INTS15: variants seen among roughly 807,000 people sequenced by gnomAD.
INTS15 encodes the protein uncharacterized protein C7orf26.
At chr7:6,590,237 G>A in the INTS15 span, 2 of 1,431,858 alleles carry the variant, frequency 1.4e-6, no homozygotes, top group Non-Finnish European at 1.8e-6. Flanking sequence ...CCCGGGCCCC[G>A]GGCGGAAGTG....
At chr7:6,599,982 G>A in the INTS15 span, 38 of 1,614,162 alleles carry the variant, frequency 2.4e-5, no homozygotes, top group African/African-American at 3.3e-4. Context: ...GGATTGATCC[G>A]CTGGTGCGTG....
the INTS15 span, chr7:6,599,899 T>A: frequency 6.2e-7 from 1 of 1,614,064 alleles, no homozygotes; most frequent in African/African-American, 1.3e-5. Context: ...CAAGGTTGAT[T>A]CTCATCACTT....
At chr7:6,599,802 T>C in the INTS15 span, 1 of 1,604,908 alleles carries the variant, frequency 6.2e-7, no homozygotes, top group Admixed American at 1.7e-5. Context: ...CCAAGAGTGC[T>C]CCTGACCTAA....
the INTS15 span, among the ~76,000 whole-genome samples, chr7:6,591,167 G>T: frequency 6.6e-6 from 1 of 151,988 alleles, no homozygotes; most frequent in African/African-American, 2.4e-5. Flanking sequence ...CAACAGCAAA[G>T]ATCTCCCTGA....
At chr7:6,600,205 C>G in the INTS15 span, 1 of 1,614,180 alleles carries the variant, frequency 6.2e-7, no homozygotes, top group Non-Finnish European at 8.5e-7. Flanking sequence ...TGATCCTCTT[C>G]GACCACATGG....
At chr7:6,600,417 G>A in the INTS15 span, 1 of 1,498,834 alleles carries the variant, frequency 6.7e-7, no homozygotes, top group South Asian at 1.2e-5. Flanking sequence ...GCAGAAGGAA[G>A]GAGGGGCTCC....
At chr7:6,607,870 CGGG>C in the INTS15 span, 1 of 1,552,044 alleles carries the variant, frequency 6.4e-7, no homozygotes, top group Non-Finnish European at 8.6e-7. The surrounding 1 kb of genome is among the most constrained non-coding windows in gnomAD (Gnocchi z 6.0). Flanking sequence ...CTCTCCTGGG[CGGG>C]GTGCGGGGGG....
the INTS15 span, among the ~76,000 whole-genome samples, chr7:6,601,435 A>G: frequency 6.6e-6 from 1 of 151,576 alleles, no homozygotes; most frequent in South Asian, 2.1e-4. Flanking sequence ...AGCTGGGATT[A>G]CAGGTATGTG....
the INTS15 span, chr7:6,591,851 C>T: frequency 1.2e-6 from 2 of 1,613,956 alleles, no homozygotes; most frequent in East Asian, 4.5e-5. Context: ...TTGGAGTGTG[C>T]TGCCTCCTGG....
chr7:6,591,760 G>T, the INTS15 span: 1 of 1,614,148 alleles, frequency 6.2e-7, no homozygotes, highest in Non-Finnish European at 8.5e-7. Context: ...CAGCCCTCAA[G>T]GGAACAAAGC....
At chr7:6,594,560 G>C in the INTS15 span, 3 of 1,614,114 alleles carry the variant, frequency 1.9e-6, no homozygotes, top group South Asian at 1.1e-5. Context: ...TCTGCTGCCA[G>C]TTCATCACCT....
the INTS15 span, chr7:6,602,659 C>T: frequency 2.1e-6 from 1 of 470,916 alleles, no homozygotes. Context: ...TTCCCTGACT[C>T]ACAGGACGGT....
chr7:6,590,045 G>GCGGCAGCTCC, the INTS15 span: 1 of 240,356 alleles, frequency 4.2e-6, no homozygotes, highest in Admixed American at 5.7e-5. Flanking sequence ...CGGCTGCGCG[G>GCGGCAGCTCC]CGGCAGCTCC....
the INTS15 span, chr7:6,600,436 C>A: frequency 1.4e-6 from 2 of 1,399,752 alleles, no homozygotes; most frequent in Non-Finnish European, 1.9e-6. Flanking sequence ...CCTGGACAGA[C>A]ACTGTTTTTG....
the INTS15 span, among the ~76,000 whole-genome samples, chr7:6,604,818 A>C: frequency 6.6e-6 from 1 of 152,114 alleles, no homozygotes; most frequent in South Asian, 2.1e-4. Context: ...TCTGCAAGGG[A>C]GGAGCCGGGG....
the INTS15 span, among the ~76,000 whole-genome samples, chr7:6,606,590 G>A: frequency 3.1e-4 from 47 of 152,242 alleles, no homozygotes; most frequent in African/African-American, 9.9e-4. Flanking sequence ...AGAGGGGCGG[G>A]CAGAGCCCCT....
At chr7:6,591,953 C>G in the INTS15 span, 1 of 1,275,202 alleles carries the variant, frequency 7.8e-7, no homozygotes, top group Non-Finnish European at 1.1e-6. Context: ...GGGCGGATCA[C>G]TTGAGGTCAG....
At chr7:6,590,156 C>T in the INTS15 span, 2 of 763,430 alleles carry the variant, frequency 2.6e-6, no homozygotes, top group Non-Finnish European at 3.6e-6. Context: ...CGGCGGCAGG[C>T]GGGCAAGCGG....
the INTS15 span, chr7:6,594,534 A>G: frequency 1.9e-6 from 3 of 1,614,142 alleles, no homozygotes; most frequent in East Asian, 4.5e-5. Context: ...GCAGATATTC[A>G]GTGCCAGCCC....
Sources: gnomAD v4.1 joint callset for allele counts (sites outside exome capture counted in the v4.1 genomes callset) on GRCh38, gnomAD v4.1.1 for gene constraint, Gnocchi (gnomAD v3.1) non-coding constraint, MANE v1.5 for transcripts, NCBI Gene and HGNC (gene_info 2026-07-23, HGNC 2026-07-21) for gene names.